BTBD8: variants seen among roughly 807,000 people sequenced by gnomAD.
BTBD8 encodes the protein BTB domain containing 8, also known as BTB/POZ domain-containing protein 8.
In BTBD8, 110 loss-of-function variants were observed where a neutral mutation model predicts 162.9. The observed-to-expected ratio is 0.68, with a 90% CI of 0.58 to 0.79. The LOEUF is 0.79. Among genes scored for constraint, BTBD8 ranks in the 30% least tolerant of loss-of-function variants. BTBD8 has a pLI of 0.00. For synonymous variants in BTBD8, 667 were observed against 716.1 expected (o/e 0.93, Z 1.10); for missense variants, 1,905 against 2,085.4 (o/e 0.91, Z 1.68).
At position 92,088,798 on chromosome 1, in the gene BTBD8, T is replaced by C. The variant is rs1403251591; in HGVS notation, c.250T>C (p.Tyr84His). The C allele has an allele frequency of 8.1e-6, 13 of 1,613,262 alleles. No individual in the cohort carries two copies. The highest frequency in any genetic ancestry group is 2.5e-6 in the Non-Finnish European group (3 of 1,179,530). Residue 84 changes from tyrosine to histidine, a missense_variant, in exon 2 of 18, where the codon TAT becomes CAT. Physicochemically the swap from Tyr to His is moderately conservative, Grantham distance 83 (BLOSUM62 2). Around this residue, in one of 3 missense-constraint regions of BTBD8, gnomAD observed 1,374 missense variants for 1,442.7 expected, o/e 0.95. Transcript: ENST00000636805. ...AVLLARVPDF[Y>H]FHTIGQTSNS... ...CCTTTTAGCAAGAGTTCCTGACTTC[T>C]ATTTTCATACTATTGGACAGACATC...
chr1:92,182,419 C>G lies in BTBD8; in HGVS notation c.4736C>G (p.Ser1579Cys). 3 of 1,550,828 alleles carry G rather than the reference C, an allele frequency of 1.9e-6. No homozygotes were observed. Among genetic ancestry groups the G allele is most frequent in the Non-Finnish European group, 2.6e-6 (3 of 1,146,702 alleles). The change falls in exon 17 of 18, where the codon TCT becomes TGT. Residue 1579 changes from serine (S) to cysteine (C), a missense_variant. Physicochemically the swap from Ser to Cys is moderately radical, Grantham distance 112. Around this residue, in one of 3 missense-constraint regions of BTBD8, gnomAD observed 517 missense variants for 606.6 expected, o/e 0.85. Transcript: ENST00000636805. ...RSKFLDSDVK[S>C]QERPCHLDLH... is the part of the protein sequence containing the mutation. ...AAATTCTTGGATAGTGATGTAAAATCTCAAGAAAGACCATGTCACTTGGAT... is the reference window on the plus strand; with the variant it reads ...AAATTCTTGGATAGTGATGTAAAATGTCAAGAAAGACCATGTCACTTGGAT...
intron 5 of BTBD8, among the ~76,000 whole-genome samples, chr1:92,136,210 G>A (rs1014568682): frequency 6.6e-6 from 1 of 152,050 alleles, no homozygotes. Flanking sequence ...TGCTGTAAGT[G>A]CCCTAATAAG....
intron 4 of BTBD8, chr1:92,115,556 G>T: frequency 2.7e-6 from 1 of 371,938 alleles, no homozygotes; most frequent in Non-Finnish European, 5.2e-6. Context: ...GTTTGATTTT[G>T]GTGGGATCTC....
chr1:92,139,142 T>C (rs1274550117), intron 5 of BTBD8, among the ~76,000 whole-genome samples: 1 of 152,218 alleles, frequency 6.6e-6, no homozygotes, highest in Non-Finnish European at 1.5e-5. Context: ...AACATACTAA[T>C]AACCTTGTAT....
chr1:92,179,245 CA>C (rs5776142), intron 16 of BTBD8, among the ~76,000 whole-genome samples: 97,987 of 137,886 alleles, frequency 0.71, 34,292 homozygotes, highest in East Asian at 0.96. Flanking sequence ...GACTCTATCT[CA>C]AAAAAAAAAA....
intron 2 of BTBD8, among the ~76,000 whole-genome samples, chr1:92,095,135 A>C (rs1405468011): frequency 6.6e-6 from 1 of 152,216 alleles, no homozygotes; most frequent in Non-Finnish European, 1.5e-5. Context: ...GGACCCACCT[A>C]TATATCCATT....
At chr1:92,139,903 A>G (rs1570740658) in intron 6 of BTBD8, 1 of 131,288 alleles carries the variant, frequency 7.6e-6, no homozygotes. Flanking sequence ...CCTGGCTAAC[A>G]TGGTGAAACC....
At chr1:92,089,791 G>T (rs1423749531) in intron 2 of BTBD8, among the ~76,000 whole-genome samples, 2 of 152,126 alleles carry the variant, frequency 1.3e-5, no homozygotes, top group Non-Finnish European at 2.9e-5. Context: ...TTCATCATAT[G>T]AATTTTGGGG....
At chr1:92,126,195 G>A in intron 4 of BTBD8, 1 of 519,484 alleles carries the variant, frequency 1.9e-6, no homozygotes, top group South Asian at 1.6e-5. Context: ...ACCAGGGGAT[G>A]AGTTCCTTAT....
intron 9 of BTBD8, among the ~76,000 whole-genome samples, chr1:92,159,687 G>A (rs929076776): frequency 6.6e-6 from 1 of 152,110 alleles, no homozygotes; most frequent in African/African-American, 2.4e-5. Flanking sequence ...GGTCGGCAGG[G>A]TTTGTTTGTT....
intron 5 of BTBD8, among the ~76,000 whole-genome samples, chr1:92,133,429 G>A (rs776370342): frequency 2.0e-5 from 3 of 152,128 alleles, no homozygotes; most frequent in Non-Finnish European, 4.4e-5. Flanking sequence ...TTCAAGTGAG[G>A]GCCTTTCCCA....
chr1:92,182,299 T>G lies in BTBD8; in HGVS notation c.4616T>G (p.Ile1539Arg). 6.4e-7 allele frequency: 1 copy of G among 1,551,288 alleles called. No homozygotes were observed. Among genetic ancestry groups the G allele is most frequent in the Non-Finnish European group, 8.7e-7 (1 of 1,146,850 alleles). Reference sequence around the variant, plus strand: ...TCAGCCACAGAAAAAAAGAACACAATAGACGTCCTATCCAGTAGAAGCAGA... The same window carrying G: ...TCAGCCACAGAAAAAAAGAACACAAGAGACGTCCTATCCAGTAGAAGCAGA... ...SVSATEKKNT[I>R]DVLSSRSRQL... is the part of the protein sequence containing the mutation. Residue 1539 changes from isoleucine (I) to arginine (R), a missense_variant, in exon 17 of 18, where the codon ATA becomes AGA. Coordinates refer to ENST00000636805, the MANE Select transcript of BTBD8 (RefSeq NM_001376131.1).
intron 16 of BTBD8, among the ~76,000 whole-genome samples, chr1:92,178,754 G>T (rs751641330): frequency 5.3e-5 from 8 of 152,118 alleles, no homozygotes; most frequent in Non-Finnish European, 7.4e-5. Context: ...CTCCCAAAGT[G>T]CTGGGATTAC....
At chr1:92,089,459 T>C (rs1022783659) in intron 2 of BTBD8, among the ~76,000 whole-genome samples, 1 of 152,216 alleles carries the variant, frequency 6.6e-6, no homozygotes, top group Non-Finnish European at 1.5e-5. Flanking sequence ...GTTTTTATTC[T>C]CATGGCTTAT....
rs190298560 is a variant in BTBD8 at position 92,126,735 on chromosome 1, A to T, written c.663-2952A>T. ...ATTCAACCTCTGAGCAGTGAGTGCC[A>T]TGCTTTTGGGTGAAGGCAGATCCCA... On this transcript the variant is annotated intron_variant, in intron 4 of 17. Coordinates refer to ENST00000636805, the MANE Select transcript of BTBD8 (RefSeq NM_001376131.1). Among the ~76,000 whole-genome samples the T allele has an allele frequency of 6.6e-5, 10 of 152,310 alleles. No individual in the cohort carries two copies. The East Asian group carries it at 1.9e-3, about 29-fold the overall frequency.
At chr1:92,119,460 A>T in intron 4 of BTBD8, among the ~76,000 whole-genome samples, 1 of 148,942 alleles carries the variant, frequency 6.7e-6, no homozygotes. Context: ...TAATTTTTGT[A>T]TTTTTTGTAG....
rs2101903099 is a variant in BTBD8, at chr1:92,102,579, C to T, written c.454C>T (p.Pro152Ser). 1 of 1,598,074 alleles carries T rather than the reference C, an allele frequency of 6.3e-7. No homozygotes were observed. The highest frequency in any genetic ancestry group is 8.5e-7 in the Non-Finnish European group (1 of 1,172,050). ...ISQKQLDISF[P>S]KCENSSDCSL... ...ACAAAAGCAACTTGACATCAGTTTT[C>T]CAAAGTGTGAAAACTCATCTGATTG... Residue 152 changes from proline to serine, a missense_variant, in exon 3 of 18, where the codon CCA becomes TCA. Around this residue, in one of 3 missense-constraint regions of BTBD8, gnomAD observed 1,374 missense variants for 1,442.7 expected, o/e 0.95. Transcript: ENST00000636805.
intron 13 of BTBD8, among the ~76,000 whole-genome samples, chr1:92,174,465 A>G (rs1237303411): frequency 6.6e-6 from 1 of 152,188 alleles, no homozygotes; most frequent in Non-Finnish European, 1.5e-5. Flanking sequence ...TTTTCAAGGC[A>G]TACAGCTATA....
chr1:92,102,691 TG>T, intron 3 of BTBD8, 22 bp downstream of exon 3: 4 of 1,423,102 alleles, frequency 2.8e-6, no homozygotes, highest in Non-Finnish European at 3.7e-6. Context: ...TTTATGGAGT[TG>T]TATTTATAGC....
Sources: allele counts gnomAD v4.1 joint callset (sites outside exome capture counted in the v4.1 genomes callset), GRCh38; gene constraint gnomAD v4.1.1; regional missense constraint gnomAD v4.1.1; transcripts MANE v1.5; gene names NCBI Gene and HGNC (gene_info 2026-07-23, HGNC 2026-07-21).